ARHGAP24: variants seen among roughly 807,000 people sequenced by gnomAD.
The protein encoded by ARHGAP24 is rho GTPase-activating protein 24.
Under a neutral mutation model 76.4 loss-of-function variants are expected in ARHGAP24, and 50 were observed. That is an observed-to-expected ratio of 0.65 (90% CI 0.52 to 0.83). The LOEUF is 0.83. Ranked by LOEUF, ARHGAP24 falls within the 40% of genes least tolerant of loss-of-function variation. ARHGAP24 has a pLI of 0.00. For missense variants in ARHGAP24, 930 were observed against 914.2 expected, an observed-to-expected ratio of 1.02 and a Z score of -0.22; for synonymous variants, 345 against 323.3, an observed-to-expected ratio of 1.07 and a Z score of -0.72.
intron 3 of ARHGAP24, among the ~76,000 whole-genome samples, chr4:85,838,229 C>G (rs971128117): frequency 6.6e-6 from 1 of 152,176 alleles, no homozygotes; most frequent in Admixed American, 6.6e-5. Context: ...AAATCTGATT[C>G]CACAGCCTGT....
chr4:85,756,289 C>G (rs764067062), intron 3 of ARHGAP24, among the ~76,000 whole-genome samples: 44 of 152,204 alleles, frequency 2.9e-4, no homozygotes, highest in Admixed American at 1.2e-3. Flanking sequence ...TACATTTAAT[C>G]AAGAAAGAAT....
At chr4:85,726,487 G>C (rs343857) in intron 3 of ARHGAP24, among the ~76,000 whole-genome samples, 1 of 152,114 alleles carries the variant, frequency 6.6e-6, no homozygotes, top group Admixed American at 6.5e-5. Context: ...CCCCTGAGGC[G>C]GTGATCCCTC....
At chr4:85,688,033 G>T (rs972692124) in intron 2 of ARHGAP24, among the ~76,000 whole-genome samples, 7 of 152,050 alleles carry the variant, frequency 4.6e-5, no homozygotes, top group Non-Finnish European at 7.4e-5. Flanking sequence ...GGCTGATCTC[G>T]AACTCCTGAC....
At chr4:85,567,015 G>A (rs1417380977) in intron 1 of ARHGAP24, among the ~76,000 whole-genome samples, 5 of 152,166 alleles carry the variant, frequency 3.3e-5, no homozygotes, top group Non-Finnish European at 5.9e-5. Flanking sequence ...GTATGTATGT[G>A]TATGGTATGG....
chr4:85,740,188 C>G (rs1283366282), intron 3 of ARHGAP24, among the ~76,000 whole-genome samples: 4 of 150,940 alleles, frequency 2.7e-5, no homozygotes, highest in Non-Finnish European at 5.9e-5. Flanking sequence ...GTACCTACCT[C>G]CGATCTGGGA....
In ARHGAP24 at chr4:85,972,058, G is replaced by T; in HGVS notation, c.622G>T (p.Ala208Ser). 1.2e-6 allele frequency: 2 copies of T among 1,613,850 alleles called. No individual in the cohort carries two copies. The highest frequency in any genetic ancestry group is 1.7e-6 in the Non-Finnish European group (2 of 1,179,916). Residue 208 changes from alanine (A) to serine (S), a missense_variant, in exon 6 of 10, where the codon GCA becomes TCA. Ala to Ser is a moderately conservative substitution (Grantham distance 99). Transcript: ENST00000395184. Reference sequence around the variant, plus strand: ...CAGCAACACAGATGTACACACGGTGGCATCACTTCTTAAGCTGTACCTCCG... The same window carrying T: ...CAGCAACACAGATGTACACACGGTGTCATCACTTCTTAAGCTGTACCTCCG... The part of the protein sequence containing the change: ...FDSNTDVHTV[A>S]SLLKLYLREL...
intron 3 of ARHGAP24, among the ~76,000 whole-genome samples, chr4:85,772,764 A>G (rs528279310): frequency 6.6e-5 from 10 of 152,334 alleles, no homozygotes; most frequent in African/African-American, 2.4e-4. Flanking sequence ...TCATATTTGG[A>G]CATGCTGATG....
intron 3 of ARHGAP24, among the ~76,000 whole-genome samples, chr4:85,764,393 G>A (rs932295973): frequency 5.3e-5 from 8 of 152,110 alleles, no homozygotes; most frequent in East Asian, 1.9e-4. Flanking sequence ...TCAATAAAAC[G>A]CATTCCCAAG....
At chr4:85,626,147 T>C (rs1339847479) in intron 2 of ARHGAP24, among the ~76,000 whole-genome samples, 1 of 152,244 alleles carries the variant, frequency 6.6e-6, no homozygotes, top group Non-Finnish European at 1.5e-5. Flanking sequence ...CATTAGTTGA[T>C]GCAGTTTCTT....
intron 1 of ARHGAP24, among the ~76,000 whole-genome samples, chr4:85,483,184 CA>C (rs1722882593): frequency 6.6e-6 from 1 of 152,084 alleles, no homozygotes; most frequent in Non-Finnish European, 1.5e-5. Context: ...CAGTGACAAA[CA>C]GGGGGAATCC....
intron 3 of ARHGAP24, among the ~76,000 whole-genome samples, chr4:85,744,977 C>G (rs554385581): frequency 5.9e-5 from 9 of 152,246 alleles, no homozygotes; most frequent in African/African-American, 2.2e-4. Context: ...CCTCCATTTT[C>G]AGAAGCCTTC....
At chr4:85,757,629 G>C (rs772650919) in intron 3 of ARHGAP24, among the ~76,000 whole-genome samples, 50 of 152,090 alleles carry the variant, frequency 3.3e-4, no homozygotes, top group Non-Finnish European at 3.1e-4. Context: ...ATGGACATTT[G>C]GGTTGGTTCC....
intron 3 of ARHGAP24, among the ~76,000 whole-genome samples, chr4:85,787,216 G>A (rs1241550163): frequency 6.6e-6 from 1 of 152,182 alleles, no homozygotes; most frequent in African/African-American, 2.4e-5. Flanking sequence ...ATATGAGCTT[G>A]CTTTTCTTCC....
intron 3 of ARHGAP24, among the ~76,000 whole-genome samples, chr4:85,821,253 A>G (rs1004947733): frequency 3.3e-5 from 5 of 152,202 alleles, no homozygotes; most frequent in African/African-American, 1.2e-4. Flanking sequence ...TTTAAATAGA[A>G]ACTTGTTTTC....
At chr4:85,871,865 T>C (rs1732545233) in intron 3 of ARHGAP24, among the ~76,000 whole-genome samples, 1 of 152,138 alleles carries the variant, frequency 6.6e-6, no homozygotes, top group Non-Finnish European at 1.5e-5. Context: ...ATGGGTTATA[T>C]TATCTCTCGA....
At chr4:85,489,218 G>A (rs1173533518) in intron 1 of ARHGAP24, among the ~76,000 whole-genome samples, 2 of 152,064 alleles carry the variant, frequency 1.3e-5, no homozygotes, top group Non-Finnish European at 2.9e-5. Context: ...GAAAAATAAC[G>A]GGTTAATCTC....
At chr4:85,975,046 A>T (rs926803925) in intron 7 of ARHGAP24, 85 bp downstream of exon 7, 1 of 1,212,366 alleles carries the variant, frequency 8.2e-7, no homozygotes, top group South Asian at 1.2e-5. Flanking sequence ...GAATAAAATC[A>T]CTCAACTACT....
rs143074246 is a variant in ARHGAP24 at position 85,631,867 on chromosome 4, G to C, written c.180+61146G>C. The stretch of plus-strand genomic sequence containing the variant: ...TGATACAGAAAACTGAGGTCAGACT[G>C]ATTTTTAGCCCCTTAAAAATGATTT... On this transcript the variant is annotated intron_variant, in intron 2 of 9. Coordinates refer to ENST00000395184, the MANE Select transcript of ARHGAP24 (RefSeq NM_001025616.3). Among the ~76,000 whole-genome samples, 832 of 152,044 alleles carry C rather than the reference G, an allele frequency of 5.5e-3. 5 individuals are homozygous for C. Among genetic ancestry groups the C allele is most frequent in the African/African-American group, 0.012 (495 of 41,522 alleles).
At chr4:85,666,210 C>A (rs563593058) in intron 2 of ARHGAP24, among the ~76,000 whole-genome samples, 1 of 152,092 alleles carries the variant, frequency 6.6e-6, no homozygotes, top group African/African-American at 2.4e-5. Flanking sequence ...AGGCTTTGTT[C>A]GTTTGTTTTT....
Sources: allele counts gnomAD v4.1 joint callset (sites outside exome capture counted in the v4.1 genomes callset), GRCh38; gene constraint gnomAD v4.1.1; transcripts MANE v1.5; gene names NCBI Gene and HGNC (gene_info 2026-07-23, HGNC 2026-07-21).